CUX1: variants seen among roughly 807,000 people sequenced by gnomAD.
CUX1 encodes protein CASP.
CUX1 carries 31 observed loss-of-function variants against 158.8 expected under a neutral mutation model. The ratio of observed to expected loss-of-function variants is 0.20; its 90% CI spans 0.15 to 0.26. The LOEUF (loss-of-function observed/expected upper bound fraction) is 0.26. Ranked by LOEUF, CUX1 falls within the 10% of genes least tolerant of loss-of-function variation. CUX1 has a pLI of 1.00. For synonymous variants in CUX1, 879 were observed against 862.1 expected (o/e 1.02, Z -0.34); for missense variants, 1,589 against 2,014.6 (o/e 0.79, Z 4.04).
intron 11 of CUX1, among the ~76,000 whole-genome samples, chr7:102,186,606 T>G (rs1793655872): frequency 6.6e-6 from 1 of 151,240 alleles, no homozygotes; most frequent in African/African-American, 2.4e-5. Flanking sequence ...TTTTTTTTTA[T>G]TTATGCCTAT....
At chr7:101,897,987 G>A (rs138475275) in intron 1 of CUX1, among the ~76,000 whole-genome samples, 2 of 152,272 alleles carry the variant, frequency 1.3e-5, no homozygotes, top group East Asian at 3.9e-4. Context: ...GCTTGCCTGC[G>A]TGGATCCAGT....
intron 8 of CUX1, among the ~76,000 whole-genome samples, chr7:102,121,534 C>T (rs1381633896): frequency 5.9e-5 from 9 of 152,086 alleles, no homozygotes; most frequent in African/African-American, 9.7e-5. Context: ...TTAGTAGAGA[C>T]GAGGTTTCAC....
chr7:102,028,269 G>T, intron 3 of CUX1, 124 bp downstream of exon 3: 1 of 945,792 alleles, frequency 1.1e-6, no homozygotes, highest in Non-Finnish European at 1.6e-6. Flanking sequence ...CGGCTGCTCC[G>T]ACCCAGCGTC....
At chr7:102,266,392 G>A (rs1790816537) in intron 14 of CUX1, among the ~76,000 whole-genome samples, 1 of 151,842 alleles carries the variant, frequency 6.6e-6, no homozygotes, top group African/African-American at 2.4e-5. Context: ...GGACTACAGG[G>A]GTCCACACTT....
intron 21 of CUX1, 142 bp from the exon 22 acceptor site, chr7:102,233,908 CAT>C (rs1210631739): frequency 1.0e-5 from 5 of 490,150 alleles, no homozygotes; most frequent in East Asian, 3.4e-5. Flanking sequence ...ATTTCTACCA[CAT>C]GTTTGCTGTA....
rs1017994669 is a variant in CUX1 at position 102,010,137 on chromosome 7, G to A, written c.142-17961G>A. On this transcript the variant is annotated intron_variant, in intron 2 of 23. Coordinates refer to ENST00000292535, the MANE Select transcript of CUX1 (RefSeq NM_181552.4). ...CAGCTGGGTGCGGTGGCTCATGCCT[G>A]TAATCCCAGCACTTCGGAGGCGGGG... 3.3e-5 allele frequency among the ~76,000 whole-genome samples: 5 copies of A among 152,196 alleles called. No individual in the cohort carries two copies. The East Asian group carries it at 9.6e-4, about 29-fold the overall frequency.
intron 2 of CUX1, among the ~76,000 whole-genome samples, chr7:101,918,785 A>G (rs565004703): frequency 1.9e-4 from 29 of 152,108 alleles, no homozygotes; most frequent in Non-Finnish European, 4.1e-4. Context: ...ATTTTTTGAG[A>G]CAGAGTCTTG....
chr7:102,195,368 C>A (rs778646253), intron 13 of CUX1, 139 bp from the exon 14 acceptor site: 1 of 592,146 alleles, frequency 1.7e-6, no homozygotes, highest in South Asian at 2.4e-5. Flanking sequence ...AATCAGCTGT[C>A]CGCAGCCCAC....
intron 2 of CUX1, among the ~76,000 whole-genome samples, chr7:101,926,697 A>G (rs1456099110): frequency 3.3e-5 from 5 of 152,168 alleles, no homozygotes; most frequent in African/African-American, 1.2e-4. Context: ...CATAACTAGT[A>G]AGTGGTGACG....
chr7:101,941,340 G>C (rs970905198), intron 2 of CUX1, among the ~76,000 whole-genome samples: 10 of 152,200 alleles, frequency 6.6e-5, no homozygotes, highest in Admixed American at 2.6e-4. Flanking sequence ...ACTTGCACAG[G>C]AGTGGCTTTC....
chr7:102,145,501 G>A (rs1258326666), intron 8 of CUX1, among the ~76,000 whole-genome samples: 1 of 151,960 alleles, frequency 6.6e-6, no homozygotes. Context: ...CAATCATAAT[G>A]AATCCAGGCA....
intron 1 of CUX1, among the ~76,000 whole-genome samples, chr7:101,874,973 G>A (rs1281673648): frequency 2.0e-5 from 3 of 152,102 alleles, no homozygotes; most frequent in African/African-American, 7.2e-5. Context: ...CCCTTTAGTG[G>A]GGACCCACCG....
chr7:101,934,770 G>C (rs956156788), intron 2 of CUX1, among the ~76,000 whole-genome samples: 6 of 152,166 alleles, frequency 3.9e-5, no homozygotes, highest in Non-Finnish European at 7.4e-5. Context: ...AAGGCTGGGA[G>C]AAGGGAAAAA....
At chr7:102,165,105 T>C (rs149657028) in intron 9 of CUX1, among the ~76,000 whole-genome samples, 2 of 151,654 alleles carry the variant, frequency 1.3e-5, no homozygotes, top group African/African-American at 2.4e-5. Context: ...CACAGCCACC[T>C]CTCCACAGGT....
chr7:102,197,265 G>A lies in CUX1; in HGVS notation c.1854G>A (p.Gln618=). 1 of 1,614,100 alleles carries A rather than the reference G, an allele frequency of 6.2e-7. No individual in the cohort carries two copies. Among genetic ancestry groups the A allele is most frequent in the South Asian group, 1.1e-5 (1 of 91,086 alleles). The change falls in exon 15 of 24, where the codon CAG becomes CAA. Residue 618 remains glutamine (Q), a synonymous_variant. Coordinates refer to ENST00000292535, the MANE Select transcript of CUX1 (RefSeq NM_181552.4). ...TGAAACAGTTCCTCTCCGATGAGCA[G>A]AACATCCTGGCCCTCCGTAGCATCC... The part of the protein sequence containing the change: ...HKMKQFLSDE[Q]NILALRSIQG...
intron 1 of CUX1, among the ~76,000 whole-genome samples, chr7:101,875,218 C>G (rs1455720536): frequency 6.6e-6 from 1 of 152,144 alleles, no homozygotes; most frequent in African/African-American, 2.4e-5. Context: ...CAAACCCAGA[C>G]CTCTCTGATG....
intron 20 of CUX1, among the ~76,000 whole-genome samples, chr7:102,212,939 G>A (rs1376248382): frequency 2.6e-5 from 4 of 152,202 alleles, no homozygotes; most frequent in African/African-American, 4.8e-5. Context: ...TCCGCCTTCC[G>A]AGTTCAAGCA....
At chr7:101,825,019 G>A (rs1793098251) in intron 1 of CUX1, among the ~76,000 whole-genome samples, 1 of 152,168 alleles carries the variant, frequency 6.6e-6, no homozygotes, top group Non-Finnish European at 1.5e-5. Flanking sequence ...AACCCATGCA[G>A]TCCTGGGTCC....
intron 8 of CUX1, among the ~76,000 whole-genome samples, chr7:102,157,174 A>C (rs1261624062): frequency 6.6e-6 from 1 of 151,800 alleles, no homozygotes; most frequent in African/African-American, 2.4e-5. Flanking sequence ...GAGCCTTGGC[A>C]TGGAAGGGCC....
Sources: gnomAD v4.1 joint callset for allele counts (sites outside exome capture counted in the v4.1 genomes callset) on GRCh38, gnomAD v4.1.1 for gene constraint, MANE v1.5 for transcripts, NCBI Gene and HGNC (gene_info 2026-07-23, HGNC 2026-07-21) for gene names.